Variants in DAB1 observed in about 807,000 individuals in gnomAD.
DAB1 encodes disabled homolog 1.
A neutral mutation model predicts 64.6 loss-of-function variants in DAB1; 15 were observed. That is an observed-to-expected ratio of 0.23 (90% CI 0.16 to 0.36). The LOEUF is 0.36. DAB1 is among the 10% of genes least tolerant of loss of function. The pLI is 1.00. For synonymous variants in DAB1, 235 were observed against 251.9 expected, an observed-to-expected ratio of 0.93 and a Z score of 0.64; for missense variants, 596 against 706.7, an observed-to-expected ratio of 0.84 and a Z score of 1.78.
chr1:58,353,280 G>A (rs927349886), intron 3 of DAB1, among the ~76,000 whole-genome samples: 110 of 152,226 alleles, frequency 7.2e-4, no homozygotes, highest in Non-Finnish European at 2.9e-4. Context: ...TTGATCACCA[G>A]GAGATAACCA....
chr1:58,181,964 C>CT (rs1351093655), intron 4 of DAB1, among the ~76,000 whole-genome samples: 1 of 152,000 alleles, frequency 6.6e-6, no homozygotes, highest in Non-Finnish European at 1.5e-5. Context: ...TTTCTTTACT[C>CT]TTTCTCGTAA....
In DAB1 at chr1:57,379,238, C is replaced by T. The variant is rs977889411; in HGVS notation, c.-137+44692G>A. Reference sequence around the variant, plus strand: ...TGTGAGATCACATAGGTCTCCACTGCTTAAAAAACAAAAACAAACAAACAA... The same window carrying T: ...TGTGAGATCACATAGGTCTCCACTGTTTAAAAAACAAAAACAAACAAACAA... On this transcript the variant is annotated intron_variant, in intron 1 of 14. Coordinates refer to ENST00000371236, the MANE Select transcript of DAB1 (RefSeq NM_001365792.1). 2.6e-5 allele frequency among the ~76,000 whole-genome samples: 4 copies of T among 152,024 alleles called. No individual in the cohort carries two copies. In the East Asian group the frequency reaches 7.7e-4, roughly 29 times the overall value.
chr1:58,016,872 T>G (rs1646747558), intron 5 of DAB1, among the ~76,000 whole-genome samples: 1 of 152,184 alleles, frequency 6.6e-6, no homozygotes, highest in African/African-American at 2.4e-5. Flanking sequence ...GTACAATAGA[T>G]AACACTATTA....
chr1:57,682,196 AAC>A (rs1646644010), intron 6 of DAB1, among the ~76,000 whole-genome samples: 1 of 152,012 alleles, frequency 6.6e-6, no homozygotes, highest in Non-Finnish European at 1.5e-5. Context: ...TTTCCTTTAA[AAC>A]AGTCAAGAAC....
At chr1:58,265,436 C>A (rs891349063) in intron 4 of DAB1, among the ~76,000 whole-genome samples, 1 of 152,228 alleles carries the variant, frequency 6.6e-6, no homozygotes, top group African/African-American at 2.4e-5. Context: ...AGTTCCCTTT[C>A]TTCTAGAAGG....
intron 2 of DAB1, among the ~76,000 whole-genome samples, chr1:57,252,599 C>T (rs1281772361): frequency 6.6e-6 from 1 of 152,150 alleles, no homozygotes; most frequent in African/African-American, 2.4e-5. Flanking sequence ...GTCTCTTGTT[C>T]TAGTTGGACA....
At chr1:57,467,327 T>C (rs562364611) in intron 7 of DAB1, among the ~76,000 whole-genome samples, 1 of 152,256 alleles carries the variant, frequency 6.6e-6, no homozygotes, top group East Asian at 1.9e-4. Context: ...ATAATATGAG[T>C]TCAATGAGTG....
At chr1:57,416,883 T>C (rs1184383182) in intron 1 of DAB1, among the ~76,000 whole-genome samples, 2 of 152,196 alleles carry the variant, frequency 1.3e-5, no homozygotes, top group Non-Finnish European at 2.9e-5. Context: ...TATTCCAGTA[T>C]AATTATTAGG....
downstream of DAB1, among the ~76,000 whole-genome samples, chr1:57,821,714 C>T (rs1652129946): frequency 6.6e-6 from 1 of 152,132 alleles, no homozygotes; most frequent in Non-Finnish European, 1.5e-5. Flanking sequence ...AAGGCTGAGG[C>T]TACTTTGCAC....
At chr1:57,118,258 A>G (rs1656321467) in intron 4 of DAB1, among the ~76,000 whole-genome samples, 1 of 152,200 alleles carries the variant, frequency 6.6e-6, no homozygotes. Context: ...ATGACAGTGT[A>G]GAGCTGCTGT....
At chr1:57,697,417 G>A (rs1240598143) in intron 6 of DAB1, among the ~76,000 whole-genome samples, 4 of 86,448 alleles carry the variant, frequency 4.6e-5, no homozygotes, top group African/African-American at 9.2e-5. Context: ...ATAAGCTCAC[G>A]TTTCTAAAAA....
intron 4 of DAB1, chr1:58,229,016 C>G: frequency 2.5e-6 from 1 of 400,546 alleles, no homozygotes; most frequent in South Asian, 2.3e-5. Flanking sequence ...GGCAGATCAC[C>G]CATGCAGTGG....
intron 6 of DAB1, among the ~76,000 whole-genome samples, chr1:57,802,002 T>C (rs1557488906): frequency 6.6e-6 from 1 of 152,202 alleles, no homozygotes; most frequent in African/African-American, 2.4e-5. Context: ...TAGAGACTAT[T>C]GGGGTGCACA....
At chr1:57,701,133 G>T (rs540025364) in intron 6 of DAB1, among the ~76,000 whole-genome samples, 3 of 152,108 alleles carry the variant, frequency 2.0e-5, no homozygotes, top group African/African-American at 7.3e-5. Flanking sequence ...AACCATTGTG[G>T]AACTCAGTGT....
intron 7 of DAB1, among the ~76,000 whole-genome samples, chr1:57,558,895 GAT>G (rs1421535207): frequency 6.6e-6 from 1 of 152,174 alleles, no homozygotes; most frequent in Non-Finnish European, 1.5e-5. Flanking sequence ...GGGTCCAGAA[GAT>G]ATACCCTTGA....
intron 6 of DAB1, among the ~76,000 whole-genome samples, chr1:57,707,311 T>G (rs1052271543): frequency 3.3e-5 from 5 of 152,124 alleles, no homozygotes; most frequent in African/African-American, 1.2e-4. Flanking sequence ...CATAATGCTC[T>G]TGAGATCCAT....
chr1:58,421,890 A>G (rs964941803), intron 3 of DAB1, among the ~76,000 whole-genome samples: 5 of 152,104 alleles, frequency 3.3e-5, no homozygotes, highest in African/African-American at 9.7e-5. Flanking sequence ...GAAGTCAAGG[A>G]GACATGTTTG....
At chr1:57,198,713 T>TA (rs1188666888) in intron 2 of DAB1, among the ~76,000 whole-genome samples, 2 of 121,520 alleles carry the variant, frequency 1.6e-5, no homozygotes, top group Non-Finnish European at 3.5e-5. Flanking sequence ...CCTGGGAGAG[T>TA]AAAAAAAGGT....
intron 4 of DAB1, among the ~76,000 whole-genome samples, chr1:57,113,047 G>A (rs1034923033): frequency 3.3e-5 from 5 of 152,082 alleles, no homozygotes; most frequent in African/African-American, 1.2e-4. Flanking sequence ...GGAAAAAGGG[G>A]GTGAACAGAC....
Sources: allele counts gnomAD v4.1 joint callset (sites outside exome capture counted in the v4.1 genomes callset), GRCh38; gene constraint gnomAD v4.1.1; transcripts MANE v1.5; gene names NCBI Gene and HGNC (gene_info 2026-07-23, HGNC 2026-07-21).